Variants in CNKSR3 observed in about 807,000 individuals in gnomAD.
The protein encoded by CNKSR3 is CNKSR family member 3.
In CNKSR3, 36 loss-of-function variants were observed where a neutral mutation model predicts 67.7. The ratio of observed to expected loss-of-function variants is 0.53; its 90% CI spans 0.41 to 0.70. The LOEUF is 0.70. CNKSR3 is among the 30% of genes least tolerant of loss of function. CNKSR3 has a pLI of 0.00. For missense variants in CNKSR3, 630 were observed against 695.2 expected, an observed-to-expected ratio of 0.91 and a Z score of 1.05; for synonymous variants, 281 against 271.4, an observed-to-expected ratio of 1.04 and a Z score of -0.35.
Position 154,401,283 on chromosome 6 carries a change from T to A in CNKSR3, c.*5071A>T, listed in dbSNP as rs1472166352. ...AGTGGGCCTTTGGGAAGTGAGTAGG[T>A]CCTGAGGGTGGAGCCCTCATGAATA... On this transcript the variant is annotated 3_prime_UTR_variant, in exon 13 of 13. Transcript: ENST00000607772. The A allele has an allele frequency of 6.6e-6, 1 of 152,112 alleles. No individual in the cohort carries two copies. The highest frequency in any genetic ancestry group is 1.5e-5 in the Non-Finnish European group (1 of 68,036). The allele number at this position is 152,112 out of a possible 1,614,324, so 9.4% of individuals were successfully genotyped here.
intron 1 of CNKSR3, among the ~76,000 whole-genome samples, chr6:154,466,862 T>C (rs936652886): frequency 4.6e-5 from 7 of 151,266 alleles, no homozygotes; most frequent in African/African-American, 1.7e-4. Context: ...TGGGCTCAAG[T>C]GATCCACCCA....
At chr6:154,509,931 G>A in intron 1 of CNKSR3, 132 bp downstream of exon 1, 1 of 965,960 alleles carries the variant, frequency 1.0e-6, no homozygotes, top group South Asian at 1.4e-5. Context: ...CTCGGCAGAA[G>A]TTTGCATTGT....
chr6:154,472,178 A>C (rs4870296), intron 1 of CNKSR3, among the ~76,000 whole-genome samples: 25,460 of 152,044 alleles, frequency 0.17, 2,689 homozygotes, highest in African/African-American at 0.3. Flanking sequence ...ATTTAAAAAA[A>C]ACACACACAC....
intron 7 of CNKSR3, 120 bp from the exon 8 acceptor site, chr6:154,423,103 A>ATATC: frequency 1.5e-6 from 1 of 665,672 alleles, no homozygotes; most frequent in Non-Finnish European, 2.6e-6. Context: ...CAGGAAAAAT[A>ATATC]AAACAATGCA....
chr6:154,442,293 G>A lies in CNKSR3; in HGVS notation c.217-3C>T. On this transcript the variant is annotated splice_region_variant and splice_polypyrimidine_tract_variant and intron_variant, in intron 2 of 12. Coordinates refer to ENST00000607772, the MANE Select transcript of CNKSR3 (RefSeq NM_173515.4). Reference sequence around the variant, plus strand: ...TTATCAGTTTCGAGGCCATAATTCTGTGGAAAATAAAATCAAAGAGAAAAA... The same window carrying A: ...TTATCAGTTTCGAGGCCATAATTCTATGGAAAATAAAATCAAAGAGAAAAA... The A allele has an allele frequency of 1.2e-6, 2 of 1,611,070 alleles. No homozygotes were observed. Among genetic ancestry groups the A allele is most frequent in the Non-Finnish European group, 1.7e-6 (2 of 1,177,492 alleles).
At chr6:154,454,090 C>CACACACACACACACACACAT in intron 1 of CNKSR3, among the ~76,000 whole-genome samples, 1 of 51,246 alleles carries the variant, frequency 2.0e-5, no homozygotes, top group Non-Finnish European at 4.3e-5. Flanking sequence ...AAAACACACA[C>CACACACACACACACACACAT]ACACACACAC....
At chr6:154,439,969 T>A (rs1467525760) in intron 4 of CNKSR3, among the ~76,000 whole-genome samples, 3 of 152,188 alleles carry the variant, frequency 2.0e-5, no homozygotes, top group African/African-American at 7.2e-5. Context: ...ACACTCAAGG[T>A]AGGTATCAGG....
At chr6:154,479,980 T>A (rs965871678) in intron 1 of CNKSR3, among the ~76,000 whole-genome samples, 1 of 152,168 alleles carries the variant, frequency 6.6e-6, no homozygotes, top group Non-Finnish European at 1.5e-5. Flanking sequence ...GTGGCCCTTG[T>A]GGGGCAGGAA....
chr6:154,491,127 G>A (rs927657052), intron 1 of CNKSR3, among the ~76,000 whole-genome samples: 9 of 152,276 alleles, frequency 5.9e-5, no homozygotes, highest in African/African-American at 1.9e-4. Flanking sequence ...GATTACAGGC[G>A]TGAGCCACCG....
At chr6:154,412,929 G>A (rs902715098) in intron 10 of CNKSR3, among the ~76,000 whole-genome samples, 3 of 152,080 alleles carry the variant, frequency 2.0e-5, no homozygotes, top group African/African-American at 7.2e-5. Flanking sequence ...TTGTGTCAGA[G>A]GGTAACCCAG....
chr6:154,417,713 A>T (rs992981290), intron 9 of CNKSR3, among the ~76,000 whole-genome samples: 8 of 152,150 alleles, frequency 5.3e-5, no homozygotes, highest in Non-Finnish European at 8.8e-5. Flanking sequence ...GTCCCATAAG[A>T]TTAAGACACA....
chr6:154,422,846 A>T, intron 8 of CNKSR3, 69 bp downstream of exon 8: 1 of 1,374,274 alleles, frequency 7.3e-7, no homozygotes, highest in Non-Finnish European at 1.0e-6. Flanking sequence ...TTAAAAATTT[A>T]AACAAAATGG....
chr6:154,491,320 T>G (rs1056570343), intron 1 of CNKSR3, among the ~76,000 whole-genome samples: 5 of 152,208 alleles, frequency 3.3e-5, no homozygotes, highest in African/African-American at 1.2e-4. Context: ...AGCCCCTGTC[T>G]TATTCACTGC....
chr6:154,484,779 A>G (rs187073967), intron 1 of CNKSR3, among the ~76,000 whole-genome samples: 1 of 152,234 alleles, frequency 6.6e-6, no homozygotes, highest in East Asian at 1.9e-4. Flanking sequence ...TCCCCCAAAG[A>G]AAATGAATAA....
chr6:154,408,575 T>C (rs73011443), intron 12 of CNKSR3, among the ~76,000 whole-genome samples: 3 of 152,208 alleles, frequency 2.0e-5, no homozygotes, highest in African/African-American at 7.2e-5. Flanking sequence ...ATATGAAATG[T>C]CCAGAACAGG....
intron 12 of CNKSR3, among the ~76,000 whole-genome samples, chr6:154,409,200 C>A (rs1031836773): frequency 3.9e-5 from 6 of 152,118 alleles, no homozygotes; most frequent in African/African-American, 1.4e-4. Context: ...TCAATCAATC[C>A]CTTTGGAAGG....
At position 154,398,570 on chromosome 6, in the gene CNKSR3, C is replaced by T. The variant is rs1422181153; in HGVS notation, c.*7784G>A. On this transcript the variant is annotated 3_prime_UTR_variant, in exon 13 of 13. Coordinates refer to ENST00000607772, the MANE Select transcript of CNKSR3 (RefSeq NM_173515.4). ...ACGATGAGAATGTCCAAAATAGATA[C>T]CATTCTACATTATTCCTTTATTTAA... 6.6e-6 allele frequency: 1 copy of T among 152,122 alleles called. No homozygotes were observed. The highest frequency in any genetic ancestry group is 2.4e-5 in the African/African-American group (1 of 41,410). The allele number at this position is 152,122 out of a possible 1,614,324, so 9.4% of individuals were successfully genotyped here.
At chr6:154,501,547 G>A (rs1185073642) in intron 1 of CNKSR3, among the ~76,000 whole-genome samples, 4 of 151,880 alleles carry the variant, frequency 2.6e-5, no homozygotes, top group African/African-American at 4.8e-5. Flanking sequence ...TCGCACCTCA[G>A]GGCCTTTGCA....
rs1784758921 is a variant in CNKSR3, at chr6:154,405,001, A to G, written c.*1353T>C. 6.6e-6 allele frequency: 1 copy of G among 152,196 alleles called. No individual in the cohort carries two copies. Among genetic ancestry groups the G allele is most frequent in the African/African-American group, 2.4e-5 (1 of 41,442 alleles). The allele number at this position is 152,196 out of a possible 1,614,324, so 9.4% of individuals were successfully genotyped here. A position where few individuals can be genotyped will look rare whatever the true frequency, so the allele number is the denominator to read the frequency against. Reference sequence around the variant, plus strand: ...AATTCCAGGCAGTTCAGCAAACTCAACAATTCCGGTGGTATGAGAAAGGGC... The same window carrying G: ...AATTCCAGGCAGTTCAGCAAACTCAGCAATTCCGGTGGTATGAGAAAGGGC... On this transcript the variant is annotated 3_prime_UTR_variant, in exon 13 of 13. Transcript: ENST00000607772.
Sources: allele counts gnomAD v4.1 joint callset (sites outside exome capture counted in the v4.1 genomes callset), GRCh38; gene constraint gnomAD v4.1.1; transcripts MANE v1.5; gene names NCBI Gene and HGNC (gene_info 2026-07-23, HGNC 2026-07-21).